The following MAOB variants were observed in gnomAD, a reference collection of about 807,000 sequenced individuals.
MAOB encodes monoamine oxidase B, also known as amine oxidase [flavin-containing] B.
In MAOB, 15 loss-of-function variants were observed where a neutral mutation model predicts 41.9. The ratio of observed to expected loss-of-function variants is 0.36; its 90% CI spans 0.24 to 0.55. MAOB has a LOEUF of 0.55. Among genes scored for constraint, MAOB ranks in the 20% least tolerant of loss-of-function variants. MAOB has a pLI of 0.86. For missense variants in MAOB, 345 were observed against 398.7 expected, an observed-to-expected ratio of 0.87 and a Z score of 1.15; for synonymous variants, 167 against 144.2, an observed-to-expected ratio of 1.16 and a Z score of -1.13.
intron 3 of MAOB, among the ~76,000 whole-genome samples, chrX:43,819,887 A>G (rs186610755): frequency 2.7e-5 from 3 of 112,403 alleles, no homozygotes; most frequent in African/African-American, 9.7e-5. Flanking sequence ...CTGAGAGAAG[A>G]AAGTCTGTAG....
At chrX:43,799,190 T>C (rs754859290) in intron 5 of MAOB, among the ~76,000 whole-genome samples, 3 of 112,113 alleles carry the variant, frequency 2.7e-5, no homozygotes, top group Non-Finnish European at 5.6e-5. Flanking sequence ...AATGGTGTCA[T>C]ATATACATTA....
At chrX:43,833,358 G>A (rs778749532) in intron 3 of MAOB, among the ~76,000 whole-genome samples, 7 of 111,094 alleles carry the variant, frequency 6.3e-5, no homozygotes, top group Admixed American at 3.8e-4. Flanking sequence ...GGGAATCCAC[G>A]CCTAAGCCTT....
intron 10 of MAOB, among the ~76,000 whole-genome samples, chrX:43,779,700 G>A (rs962306105): frequency 9.0e-6 from 1 of 111,231 alleles, no homozygotes; most frequent in African/African-American, 3.3e-5. Flanking sequence ...GAGGCAGACC[G>A]CTACGGCCCT....
Position 43,882,383 on chromosome X carries a change from C to A in MAOB, c.-84G>T. ...TCCCAGTCCTGCCTGCCAGCCAGCC[C>A]GCCCGCCTGCCCGCCGGCCTGCTGC... On this transcript the variant is annotated 5_prime_UTR_variant, in exon 1 of 15. Coordinates refer to ENST00000378069, the MANE Select transcript of MAOB (RefSeq NM_000898.5). 12 of 1,123,531 alleles carry A rather than the reference C, an allele frequency of 1.1e-5. No individual in the cohort carries two copies. The highest frequency in any genetic ancestry group is 3.6e-5 in the East Asian group (1 of 27,952). The allele number at this position is 1,123,531 out of a possible 1,213,427, so 92.6% of individuals were successfully genotyped here.
intron 11 of MAOB, 32 bp downstream of exon 11, chrX:43,778,650 A>C (rs1344825111): frequency 2.6e-6 from 3 of 1,155,684 alleles, no homozygotes; most frequent in Non-Finnish European, 3.5e-6. Context: ...AAGGCCTCTC[A>C]CCCTTAGTAT....
rs375710007 is a variant in MAOB, at chrX:43,814,839, G to A, written c.280-11435C>T. On this transcript the variant is annotated intron_variant, in intron 3 of 14. Coordinates refer to ENST00000378069, the MANE Select transcript of MAOB (RefSeq NM_000898.5). ...CAGAGTCTGAGTCAGAAGTTTGACTGCTTTCTAAACACAATCAAAATTAAT... is the reference window on the plus strand; with the variant it reads ...CAGAGTCTGAGTCAGAAGTTTGACTACTTTCTAAACACAATCAAAATTAAT... 1.5e-4 allele frequency among the ~76,000 whole-genome samples: 17 copies of A among 111,874 alleles called. No homozygotes were observed. The East Asian group carries it at 4.8e-3, about 31-fold the overall frequency.
At chrX:43,826,994 T>C (rs2034956332) in intron 3 of MAOB, among the ~76,000 whole-genome samples, 2 of 111,542 alleles carry the variant, frequency 1.8e-5, no homozygotes, top group Admixed American at 9.5e-5. Flanking sequence ...TATAATATGA[T>C]ATACATGATA....
intron 11 of MAOB, among the ~76,000 whole-genome samples, chrX:43,777,733 C>T (rs1212725783): frequency 8.9e-6 from 1 of 112,050 alleles, no homozygotes; most frequent in Non-Finnish European, 1.9e-5. Context: ...ACAAGTTAAA[C>T]ATTCTCAGCC....
chrX:43,802,348 A>C (rs2034605177), intron 4 of MAOB, 85 bp from the exon 5 acceptor site: 2 of 640,384 alleles, frequency 3.1e-6, no homozygotes, highest in South Asian at 2.9e-5. Flanking sequence ...TCCACTTTAA[A>C]TAACTATTCA....
At chrX:43,865,929 G>A (rs914570001) in intron 1 of MAOB, among the ~76,000 whole-genome samples, 1 of 110,382 alleles carries the variant, frequency 9.1e-6, no homozygotes, top group African/African-American at 3.3e-5. Flanking sequence ...GGAGGGAGGA[G>A]AACTAGGAAG....
chrX:43,875,655 C>T (rs756506251), intron 1 of MAOB, among the ~76,000 whole-genome samples: 23 of 111,700 alleles, frequency 2.1e-4, no homozygotes, highest in African/African-American at 7.2e-4. Context: ...AACGTGGCCC[C>T]TCAATTTGGC....
At chrX:43,783,794 T>A (rs1238633916) in intron 8 of MAOB, among the ~76,000 whole-genome samples, 1 of 111,998 alleles carries the variant, frequency 8.9e-6, no homozygotes, top group Non-Finnish European at 1.9e-5. Context: ...CCTTTTTTTA[T>A]GAAAAATTTC....
chrX:43,876,202 C>T lies in MAOB; in HGVS notation c.46+6052G>A, dbSNP rs1425988389. On this transcript the variant is annotated intron_variant, in intron 1 of 14. Transcript: ENST00000378069. Reference sequence around the variant, plus strand: ...CTTGAACTCCTGACCTCAAGCAATCCACCCACCTTGGCCTCCCAAAGTGCT... The same window carrying T: ...CTTGAACTCCTGACCTCAAGCAATCTACCCACCTTGGCCTCCCAAAGTGCT... Among the ~76,000 whole-genome samples the T allele has an allele frequency of 3.6e-5, 4 of 111,697 alleles. No individual in the cohort carries two copies. The East Asian group carries it at 1.1e-3, about 31-fold the overall frequency.
At chrX:43,768,810 A>G (rs1169308715) in intron 13 of MAOB, 94 bp from the exon 14 acceptor site, 1 of 760,399 alleles carries the variant, frequency 1.3e-6, no homozygotes, top group Non-Finnish European at 2.0e-6. Context: ...CTCTTGAGAT[A>G]TCCATCAAAA....
intron 1 of MAOB, among the ~76,000 whole-genome samples, chrX:43,869,825 C>A (rs1409033854): frequency 2.7e-5 from 3 of 111,343 alleles, no homozygotes; most frequent in Non-Finnish European, 5.7e-5. Context: ...TACAGAACAC[C>A]CCCTCACAAT....
At chrX:43,823,840 C>T (rs753810875) in intron 3 of MAOB, among the ~76,000 whole-genome samples, 20 of 111,854 alleles carry the variant, frequency 1.8e-4, no homozygotes, top group African/African-American at 6.2e-4. Context: ...TTGGACCCAC[C>T]CAAAATTAAA....
intron 1 of MAOB, among the ~76,000 whole-genome samples, chrX:43,855,884 C>G (rs954684285): frequency 5.4e-5 from 6 of 111,412 alleles, no homozygotes; most frequent in African/African-American, 2.0e-4. Context: ...TGCTTTGGAG[C>G]TAATTCTCCC....
intron 3 of MAOB, among the ~76,000 whole-genome samples, chrX:43,824,569 G>C (rs2034921567): frequency 8.9e-6 from 1 of 111,781 alleles, no homozygotes; most frequent in African/African-American, 3.3e-5. Flanking sequence ...TGTAGTCCTA[G>C]CTACTCAGGA....
intron 1 of MAOB, among the ~76,000 whole-genome samples, chrX:43,851,956 AGACTAAGGT>A (rs1377530408): frequency 8.9e-6 from 1 of 111,829 alleles, no homozygotes; most frequent in Admixed American, 9.5e-5. Flanking sequence ...TGTGAAACAA[AGACTAAGGT>A]AGTCAGCAGT....
Sources: allele counts gnomAD v4.1 joint callset (sites outside exome capture counted in the v4.1 genomes callset), GRCh38; gene constraint gnomAD v4.1.1; transcripts MANE v1.5; gene names NCBI Gene and HGNC (gene_info 2026-07-23, HGNC 2026-07-21).